KIF21A: variants seen among roughly 807,000 people sequenced by gnomAD.
KIF21A encodes kinesin-like protein KIF21A.
Under a neutral mutation model 202.9 loss-of-function variants are expected in KIF21A, and 114 were observed. The ratio of observed to expected loss-of-function variants is 0.56; its 90% CI spans 0.48 to 0.66. The LOEUF (loss-of-function observed/expected upper bound fraction) is 0.66. KIF21A is among the 30% of genes least tolerant of loss of function. KIF21A has a pLI of 0.00. For synonymous variants in KIF21A, 667 were observed against 670.8 expected (o/e 0.99, Z 0.09); for missense variants, 1,677 against 1,994.9 (o/e 0.84, Z 3.04).
chr12:39,440,540 C>T (rs1939423006), intron 1 of KIF21A, among the ~76,000 whole-genome samples: 1 of 152,176 alleles, frequency 6.6e-6, no homozygotes, highest in South Asian at 2.1e-4. Flanking sequence ...ACAATTATCA[C>T]TACTTTTAGC....
At chr12:39,294,983 G>A (rs1481693466) in intron 37 of KIF21A, among the ~76,000 whole-genome samples, 1 of 152,194 alleles carries the variant, frequency 6.6e-6, no homozygotes, top group Non-Finnish European at 1.5e-5. Context: ...ACAGCCTGCA[G>A]GTCACAGTGA....
intron 1 of KIF21A, among the ~76,000 whole-genome samples, chr12:39,421,550 G>A (rs1431044280): frequency 2.0e-5 from 3 of 151,652 alleles, no homozygotes; most frequent in Admixed American, 1.3e-4. Context: ...CAAATTAGCC[G>A]GGTGTGATAG....
chr12:39,377,123 C>T (rs1950318314), intron 1 of KIF21A, among the ~76,000 whole-genome samples: 1 of 152,092 alleles, frequency 6.6e-6, no homozygotes, highest in Non-Finnish European at 1.5e-5. Context: ...GACCTGATTC[C>T]CGCTTTGTGT....
intron 6 of KIF21A, among the ~76,000 whole-genome samples, chr12:39,364,743 T>C (rs1292647311): frequency 6.6e-6 from 1 of 152,212 alleles, no homozygotes; most frequent in Non-Finnish European, 1.5e-5. Context: ...AATCTCTAAA[T>C]TGCCCTTGTT....
chr12:39,304,170 T>A (rs911954820), intron 35 of KIF21A, among the ~76,000 whole-genome samples: 3 of 152,208 alleles, frequency 2.0e-5, no homozygotes, highest in African/African-American at 7.2e-5. Flanking sequence ...CCATCTCTCA[T>A]TTCTTAATCA....
intron 1 of KIF21A, among the ~76,000 whole-genome samples, chr12:39,425,245 AT>A: frequency 6.6e-6 from 1 of 152,272 alleles, no homozygotes; most frequent in African/African-American, 2.4e-5. Context: ...TTAAAAAAAA[AT>A]ATTTATTGTC....
intron 26 of KIF21A, among the ~76,000 whole-genome samples, chr12:39,324,834 C>A (rs1945686678): frequency 6.6e-6 from 1 of 152,170 alleles, no homozygotes; most frequent in Non-Finnish European, 1.5e-5. Flanking sequence ...TAAATATATA[C>A]TATCCATTGC....
intron 7 of KIF21A, among the ~76,000 whole-genome samples, chr12:39,362,585 G>C (rs1229417164): frequency 6.6e-6 from 1 of 151,612 alleles, no homozygotes. Flanking sequence ...TTAATAACCA[G>C]CCAACACTCT....
chr12:39,314,132 G>A (rs1456424984), intron 31 of KIF21A, among the ~76,000 whole-genome samples: 1 of 151,522 alleles, frequency 6.6e-6, no homozygotes, highest in East Asian at 1.9e-4. Flanking sequence ...GAGTTGGGGA[G>A]AAAAAAACAT....
chr12:39,386,501 T>C (rs529732765), intron 1 of KIF21A, among the ~76,000 whole-genome samples: 26 of 152,292 alleles, frequency 1.7e-4, no homozygotes, highest in African/African-American at 5.8e-4. Context: ...CTAACAAAAT[T>C]TGACAGCCAG....
At chr12:39,348,774 C>T (rs1948117482) in intron 11 of KIF21A, among the ~76,000 whole-genome samples, 1 of 150,114 alleles carries the variant, frequency 6.7e-6, no homozygotes, top group Non-Finnish European at 1.5e-5. Context: ...CTCACAGCCA[C>T]AACAAGATAA....
At chr12:39,304,032 C>T (rs1943219681) in intron 35 of KIF21A, among the ~76,000 whole-genome samples, 3 of 152,276 alleles carry the variant, frequency 2.0e-5, no homozygotes, top group South Asian at 4.2e-4. Flanking sequence ...TCATCAATTG[C>T]CACCACTTCA....
intron 1 of KIF21A, among the ~76,000 whole-genome samples, chr12:39,426,633 G>A (rs533906885): frequency 4.5e-4 from 69 of 151,968 alleles, no homozygotes; most frequent in African/African-American, 1.5e-3. Flanking sequence ...AGCACTTTGT[G>A]AGGCCGAGGT....
At chr12:39,433,832 G>C (rs1790419320) in intron 1 of KIF21A, among the ~76,000 whole-genome samples, 1 of 152,166 alleles carries the variant, frequency 6.6e-6, no homozygotes, top group Non-Finnish European at 1.5e-5. Flanking sequence ...GGGGAGACTA[G>C]ATAGAATAAG....
intron 35 of KIF21A, among the ~76,000 whole-genome samples, chr12:39,303,463 C>A (rs1207101953): frequency 6.6e-6 from 1 of 151,998 alleles, no homozygotes; most frequent in Admixed American, 6.6e-5. Flanking sequence ...GGCACCAGCT[C>A]TTAATTATTG....
chr12:39,437,288 G>T (rs1311051990), intron 1 of KIF21A, among the ~76,000 whole-genome samples: 1 of 152,066 alleles, frequency 6.6e-6, no homozygotes, highest in African/African-American at 2.4e-5. Context: ...GAGCTCAAGG[G>T]GTAGTAATAA....
chr12:39,340,064 TTTATCGAATATGGAAAGA>T, intron 16 of KIF21A, 83 bp downstream of exon 16: 1 of 917,612 alleles, frequency 1.1e-6, no homozygotes, highest in Non-Finnish European at 1.7e-6. Context: ...TTGGGTTACC[TTTATCGAATATGGAAAGA>T]ACCACAAGAG....
intron 1 of KIF21A, 35 bp from the exon 2 acceptor site, chr12:39,370,296 T>C: frequency 1.3e-6 from 2 of 1,503,686 alleles, no homozygotes; most frequent in Non-Finnish European, 1.8e-6. Context: ...AAAAATAAAA[T>C]AAATGGCAAA....
In KIF21A at chr12:39,343,226, G is replaced by T. The variant is rs114218785; in HGVS notation, c.1713-1102C>A. The stretch of plus-strand genomic sequence containing the variant: ...AAAATACAAAACAGCCTGGCATAGT[G>T]ACGCACACTTGTAATCCCAGCTACT... On this transcript the variant is annotated intron_variant, in intron 12 of 37. Transcript: ENST00000361418. Among the ~76,000 whole-genome samples, 1,180 of 152,192 alleles carry T rather than the reference G, an allele frequency of 7.8e-3. 20 individuals carry two copies. Among genetic ancestry groups the T allele is most frequent in the African/African-American group, 0.026 (1,088 of 41,526 alleles).
Sources: gnomAD v4.1 joint callset for allele counts (sites outside exome capture counted in the v4.1 genomes callset) on GRCh38, gnomAD v4.1.1 for gene constraint, MANE v1.5 for transcripts, NCBI Gene and HGNC (gene_info 2026-07-23, HGNC 2026-07-21) for gene names.